The following UNC79 variants were observed in gnomAD, a reference collection of about 807,000 sequenced individuals.
UNC79 encodes the protein protein unc-79 homolog.
A neutral mutation model predicts 283.1 loss-of-function variants in UNC79; 37 were observed. The ratio of observed to expected loss-of-function variants is 0.13; its 90% CI spans 0.10 to 0.17. UNC79 has a LOEUF of 0.17. Among genes scored for constraint, UNC79 ranks in the 10% least tolerant of loss-of-function variants. The probability of loss-of-function intolerance (pLI) is 1.00; values close to 1 mark genes in which losing one functional copy is unlikely to be tolerated. For missense variants in UNC79, 2,272 were observed against 3,211.1 expected (o/e 0.71, Z 7.07); for synonymous variants, 1,107 against 1,200.2 (o/e 0.92, Z 1.61).
intron 11 of UNC79, 96 bp downstream of exon 11, chr14:93,532,674 C>A: frequency 1.4e-6 from 2 of 1,450,698 alleles, no homozygotes; most frequent in South Asian, 1.2e-5. Context: ...ACCGTGGTTT[C>A]CAGTATATGC....
At chr14:93,571,412 G>A (rs1011364163) in intron 14 of UNC79, among the ~76,000 whole-genome samples, 8 of 152,122 alleles carry the variant, frequency 5.3e-5, no homozygotes, top group African/African-American at 1.4e-4. Context: ...GGCAGGGTAC[G>A]CAGCATAGGG....
rs758028869 is a variant in UNC79 at position 93,537,984 on chromosome 14, TC to T, written c.1123-4del. On this transcript the variant is annotated splice_polypyrimidine_tract_variant and splice_region_variant and intron_variant, in intron 11 of 48. Coordinates refer to ENST00000555664, the Ensembl canonical transcript of UNC79. ...TTTAATTGATTTCACTTTCTTGGCT[TC>T]TAGAACTGCAGTTCCCACGTTAGAA... 1.2e-6 allele frequency: 2 copies of T among 1,606,984 alleles called. No homozygotes were observed. Among genetic ancestry groups the T allele is most frequent in the Non-Finnish European group, 1.7e-6 (2 of 1,177,558 alleles).
At chr14:93,520,753 C>T (rs373678820) in intron 7 of UNC79, among the ~76,000 whole-genome samples, 2 of 151,926 alleles carry the variant, frequency 1.3e-5, no homozygotes, top group African/African-American at 4.8e-5. Context: ...TTTAAAGTCA[C>T]ATTTAATTTT....
At chr14:93,698,634 C>T (rs955718648) in intron 47 of UNC79, among the ~76,000 whole-genome samples, 4 of 151,620 alleles carry the variant, frequency 2.6e-5, no homozygotes, top group African/African-American at 9.7e-5. Context: ...CACAGGTGCC[C>T]ACCGCCATGC....
intron 14 of UNC79, among the ~76,000 whole-genome samples, chr14:93,567,939 A>G (rs1259265162): frequency 6.6e-6 from 1 of 152,204 alleles, no homozygotes; most frequent in Non-Finnish European, 1.5e-5. Context: ...ACAACTCGAA[A>G]CAGGGAGGGA....
chr14:93,637,571 C>T (rs895820689), intron 32 of UNC79, among the ~76,000 whole-genome samples: 3 of 152,290 alleles, frequency 2.0e-5, no homozygotes, highest in East Asian at 1.9e-4. Flanking sequence ...TCTCCTGCCC[C>T]AGCCTCCCGA....
At chr14:93,528,901 G>A (rs1014802595) in intron 9 of UNC79, among the ~76,000 whole-genome samples, 1 of 152,170 alleles carries the variant, frequency 6.6e-6, no homozygotes, top group African/African-American at 2.4e-5. Context: ...CAATTTTGGA[G>A]TAACCCTGTT....
At chr14:93,560,941 C>T (rs1467766069) in intron 14 of UNC79, among the ~76,000 whole-genome samples, 4 of 151,986 alleles carry the variant, frequency 2.6e-5, no homozygotes, top group Non-Finnish European at 4.4e-5. Flanking sequence ...ACGTTGAGTG[C>T]CCACGAGCAA....
chr14:93,625,733 A>C (rs1186108740), intron 30 of UNC79, among the ~76,000 whole-genome samples: 1 of 152,164 alleles, frequency 6.6e-6, no homozygotes, highest in African/African-American at 2.4e-5. Context: ...CTATCAATGT[A>C]ATCCCTCCCT....
intron 38 of UNC79, among the ~76,000 whole-genome samples, chr14:93,656,018 C>T (rs2070892268): frequency 6.6e-6 from 1 of 152,220 alleles, no homozygotes; most frequent in African/African-American, 2.4e-5. Context: ...TCCAATGCCT[C>T]TGTTTTCTAA....
chr14:93,586,712 A>G, intron 21 of UNC79, 37 bp downstream of exon 21: 1 of 1,613,204 alleles, frequency 6.2e-7, no homozygotes, highest in Non-Finnish European at 8.5e-7. Flanking sequence ...TTGGCTTGGT[A>G]GCATTACTGT....
intron 18 of UNC79, among the ~76,000 whole-genome samples, chr14:93,579,119 A>G (rs777482585): frequency 1.3e-5 from 2 of 152,056 alleles, no homozygotes. Context: ...TGGGTCATGC[A>G]TTTTTTTGGC....
chr14:93,612,818 A>G lies in UNC79; in HGVS notation c.3776A>G (p.Asp1259Gly), dbSNP rs998706901. ...ACAGGACAACAATCTCCTGAGAATGACAACACCATCAAGGACCTGCTCCCA... is the reference window on the plus strand; with the variant it reads ...ACAGGACAACAATCTCCTGAGAATGGCAACACCATCAAGGACCTGCTCCCA... Residue 1259 changes from aspartate (D) to glycine (G), a missense_variant, in exon 27 of 49, where the codon GAC (aspartate) becomes GGC (glycine). Coordinates refer to ENST00000555664, the Ensembl canonical transcript of UNC79. 3 of 1,613,992 alleles carry G rather than the reference A, an allele frequency of 1.9e-6. No individual in the cohort carries two copies. The South Asian group carries it at 3.3e-5, about 18-fold the overall frequency.
intron 1 of UNC79, chr14:93,466,956 T>G: frequency 1.8e-5 from 18 of 974,262 alleles, no homozygotes; most frequent in Non-Finnish European, 2.1e-5. Flanking sequence ...TGAGAAGATC[T>G]GGGCAGCCAA....
chr14:93,683,496 G>C (rs1472924633), intron 42 of UNC79, among the ~76,000 whole-genome samples: 2 of 152,166 alleles, frequency 1.3e-5, no homozygotes, highest in Non-Finnish European at 2.9e-5. Context: ...TCTAGTTGTG[G>C]GCCAAGGAAG....
Position 93,688,987 on chromosome 14 carries a change from C to T in UNC79, c.7085+147C>T. Reference sequence around the variant, plus strand: ...TAGGAAGATGGAAATCAGATCCCATCTCCTTACGTACTTGCTGACCCAGAA... The same window carrying T: ...TAGGAAGATGGAAATCAGATCCCATTTCCTTACGTACTTGCTGACCCAGAA... On this transcript the variant is annotated intron_variant, in intron 44 of 48. Coordinates refer to ENST00000555664, the Ensembl canonical transcript of UNC79. This position sits in a 1 kb window ranked among gnomAD's most constrained non-coding sequence, Gnocchi z 4.0. The T allele has an allele frequency of 1.2e-6, 1 of 868,992 alleles. No individual in the cohort carries two copies. Among genetic ancestry groups the T allele is most frequent in the Admixed American group, 3.3e-5 (1 of 30,050 alleles). The allele number at this position is 868,992 out of a possible 1,614,324, so 53.8% of individuals were successfully genotyped here. A position where few individuals can be genotyped will look rare whatever the true frequency, so the allele number is the denominator to read the frequency against.
intron 31 of UNC79, among the ~76,000 whole-genome samples, chr14:93,633,436 G>C (rs2068211481): frequency 6.6e-6 from 1 of 152,188 alleles, no homozygotes; most frequent in East Asian, 1.9e-4. Context: ...TTGGTGCCAT[G>C]ATTGTGAAAT....
chr14:93,512,091 G>A (rs2059852454), intron 7 of UNC79, among the ~76,000 whole-genome samples: 1 of 151,946 alleles, frequency 6.6e-6, no homozygotes, highest in Non-Finnish European at 1.5e-5. Context: ...TATCTTTATT[G>A]CCTGTGTTAT....
In UNC79 at chr14:93,506,612, C is replaced by A. The variant is rs186901983; in HGVS notation, c.898+9326C>A. On this transcript the variant is annotated intron_variant, in intron 7 of 48. Transcript: ENST00000555664. ...TTTTCTCTTTATTTTTTATTTTTGG[C>A]AGCTTTACTATGATATATCTAGTTA... 1.5e-3 allele frequency among the ~76,000 whole-genome samples: 231 copies of A among 151,774 alleles called. 1 individual carries two copies. Among genetic ancestry groups the A allele is most frequent in the Middle Eastern group, 6.8e-3 (2 of 294 alleles).
Sources: allele counts gnomAD v4.1 joint callset (sites outside exome capture counted in the v4.1 genomes callset), GRCh38; gene constraint gnomAD v4.1.1; non-coding constraint Gnocchi (gnomAD v3.1); transcripts MANE v1.5; gene names NCBI Gene and HGNC (gene_info 2026-07-23, HGNC 2026-07-21).